CTNNA2: variants seen among roughly 807,000 people sequenced by gnomAD.
CTNNA2 encodes the protein catenin alpha-2.
In CTNNA2, 42 loss-of-function variants were observed where a neutral mutation model predicts 101.0. The ratio of observed to expected loss-of-function variants is 0.42; its 90% CI spans 0.32 to 0.54. The LOEUF (loss-of-function observed/expected upper bound fraction) is 0.54, where lower values mean the gene tolerates loss of function less well. Among genes scored for constraint, CTNNA2 ranks in the 20% least tolerant of loss-of-function variants. The pLI, the probability that CTNNA2 is intolerant of heterozygous loss-of-function variation, is 0.14. For synonymous variants in CTNNA2, 450 were observed against 456.4 expected, an observed-to-expected ratio of 0.99 and a Z score of 0.18; for missense variants, 871 against 1,223.1, an observed-to-expected ratio of 0.71 and a Z score of 4.29.
At chr2:80,608,150 T>G (rs752892212) in intron 16 of CTNNA2, 34 bp from the exon 17 acceptor site, 1 of 1,581,466 alleles carries the variant, frequency 6.3e-7, no homozygotes, top group Non-Finnish European at 8.7e-7. Context: ...GAAGAGTACT[T>G]ACTAATCAAG....
At chr2:79,311,375 C>G (rs749062718) in intron 2 of CTNNA2, among the ~76,000 whole-genome samples, 67 of 140,914 alleles carry the variant, frequency 4.8e-4, no homozygotes, top group Non-Finnish European at 7.8e-4. Flanking sequence ...CACCACTGCA[C>G]TCCAGCCTGG....
At chr2:79,907,565 C>T (rs1685510703) in intron 6 of CTNNA2, among the ~76,000 whole-genome samples, 1 of 152,160 alleles carries the variant, frequency 6.6e-6, no homozygotes, top group South Asian at 2.1e-4. Context: ...ATAGGGCCAT[C>T]CACTGTATTG....
At chr2:80,165,339 ATCTCT>A (rs1704610151) in intron 7 of CTNNA2, among the ~76,000 whole-genome samples, 2 of 147,122 alleles carry the variant, frequency 1.4e-5, no homozygotes, top group Non-Finnish European at 3.0e-5. Flanking sequence ...TCTTTCCTCC[ATCTCT>A]TCTATTCTGC....
At chr2:79,974,419 A>G (rs1690697037) in intron 7 of CTNNA2, among the ~76,000 whole-genome samples, 2 of 152,180 alleles carry the variant, frequency 1.3e-5, no homozygotes, top group Non-Finnish European at 2.9e-5. Flanking sequence ...GTTACTTAAG[A>G]CATTGGACTT....
At chr2:79,283,484 C>A in intron 2 of CTNNA2, among the ~76,000 whole-genome samples, 1 of 123,358 alleles carries the variant, frequency 8.1e-6, no homozygotes, top group African/African-American at 2.8e-5. Context: ...TATGGCTAGC[C>A]AGTTTTCCCA....
chr2:79,203,620 T>C (rs923142741), intron 2 of CTNNA2, among the ~76,000 whole-genome samples: 5 of 152,224 alleles, frequency 3.3e-5, no homozygotes, highest in African/African-American at 1.2e-4. Flanking sequence ...AGACAATGCA[T>C]AGTTTTTAAA....
At position 80,303,360 on chromosome 2, in the gene CTNNA2, G is replaced by A; in HGVS notation, c.1057-89851G>A. ...TTCCGCAGCCCGTGGAAGAGGTCGG[G>A]CGCGAGCGCCTGCAGCTTGTTGTAC... On this transcript the variant is annotated intron_variant, in intron 7 of 18. Coordinates refer to ENST00000402739, the MANE Select transcript of CTNNA2 (RefSeq NM_001282597.3). This position sits in a 1 kb window ranked among gnomAD's most constrained non-coding sequence, Gnocchi z 7.7. The A allele has an allele frequency of 6.2e-7, 1 of 1,614,124 alleles. No homozygotes were observed. The highest frequency in any genetic ancestry group is 8.5e-7 in the Non-Finnish European group (1 of 1,180,044).
chr2:79,713,646 C>T (rs1054056937), intron 2 of CTNNA2, among the ~76,000 whole-genome samples: 4 of 152,050 alleles, frequency 2.6e-5, no homozygotes, highest in African/African-American at 9.7e-5. Context: ...ACACAGTGGT[C>T]TTGATAGGAC....
At chr2:80,095,056 G>A (rs1435615543) in intron 7 of CTNNA2, among the ~76,000 whole-genome samples, 1 of 134,706 alleles carries the variant, frequency 7.4e-6, no homozygotes, top group Non-Finnish European at 1.6e-5. Flanking sequence ...TAGGAGTGGT[G>A]AGAGAGGGCT....
At chr2:79,209,497 A>G (rs1674142080) in intron 2 of CTNNA2, among the ~76,000 whole-genome samples, 2 of 152,214 alleles carry the variant, frequency 1.3e-5, no homozygotes. Context: ...TCATTAAATG[A>G]GTAAAATACA....
intron 7 of CTNNA2, among the ~76,000 whole-genome samples, chr2:80,282,763 G>C (rs1481310420): frequency 1.3e-5 from 2 of 152,106 alleles, no homozygotes; most frequent in Non-Finnish European, 2.9e-5. Flanking sequence ...AACACCTGTT[G>C]CTTACTAGTT....
rs1361447762 is a variant in CTNNA2, at chr2:80,337,046, G to A, written c.1057-56165G>A. On this transcript the variant is annotated intron_variant, in intron 7 of 18. Transcript: ENST00000402739. ...ATTACCTGGAAATGTTCAACTGGGT[G>A]GGGTGTGGGCATAAGAAAATGAGAC... 2.0e-5 allele frequency among the ~76,000 whole-genome samples: 3 copies of A among 152,122 alleles called. No individual in the cohort carries two copies. In the South Asian group the frequency reaches 6.2e-4, roughly 32 times the overall value.
Position 80,428,770 on chromosome 2 carries a change from A to G in CTNNA2, c.1290+9169A>G, listed in dbSNP as rs1681217377. Among the ~76,000 whole-genome samples, 2 of 152,132 alleles carry G rather than the reference A, an allele frequency of 1.3e-5. 1 individual carries two copies. The highest frequency in any genetic ancestry group is 4.1e-4 in the South Asian group (2 of 4,824). The stretch of plus-strand genomic sequence containing the variant: ...CTAGAAAAATTGCATCAACAACTAT[A>G]TTGATGATGATCATGCCACTGCACT... On this transcript the variant is annotated intron_variant, in intron 9 of 18. Transcript: ENST00000402739.
chr2:80,397,720 G>T (rs1573942316), intron 8 of CTNNA2, among the ~76,000 whole-genome samples: 2 of 152,152 alleles, frequency 1.3e-5, no homozygotes, highest in East Asian at 3.9e-4. Context: ...TCTCAGGTAT[G>T]TTTTTATTAG....
intron 1 of CTNNA2, among the ~76,000 whole-genome samples, chr2:79,549,811 T>C (rs959623185): frequency 1.3e-5 from 2 of 152,222 alleles, no homozygotes. Context: ...CTTTATCTGC[T>C]ATTTCCCCTG....
At chr2:79,835,727 G>A (rs1679312908) in intron 3 of CTNNA2, among the ~76,000 whole-genome samples, 3 of 114,078 alleles carry the variant, frequency 2.6e-5, no homozygotes, top group Non-Finnish European at 4.9e-5. Flanking sequence ...GCTGTGCCCG[G>A]ATTCAAGCAA....
intron 1 of CTNNA2, among the ~76,000 whole-genome samples, chr2:79,584,973 A>G (rs982941564): frequency 1.3e-5 from 2 of 152,228 alleles, no homozygotes; most frequent in Admixed American, 6.5e-5. Context: ...TGATTTGGGG[A>G]AAAGTGTTCC....
chr2:80,473,699 A>T (rs1685494843), intron 9 of CTNNA2, among the ~76,000 whole-genome samples: 1 of 152,164 alleles, frequency 6.6e-6, no homozygotes, highest in African/African-American at 2.4e-5. Flanking sequence ...GCTCCCCAAC[A>T]ACAGAAAAAT....
chr2:80,039,168 G>C (rs915979073), intron 7 of CTNNA2, among the ~76,000 whole-genome samples: 1 of 152,104 alleles, frequency 6.6e-6, no homozygotes, highest in African/African-American at 2.4e-5. Context: ...GAAAGCCCAG[G>C]GTAGATGGAG....
Sources: gnomAD v4.1 joint callset for allele counts (sites outside exome capture counted in the v4.1 genomes callset) on GRCh38, gnomAD v4.1.1 for gene constraint, Gnocchi (gnomAD v3.1) non-coding constraint, MANE v1.5 for transcripts, NCBI Gene and HGNC (gene_info 2026-07-23, HGNC 2026-07-21) for gene names.